Variants in NMNAT1 observed in about 807,000 individuals in gnomAD.
NMNAT1 encodes nicotinamide/nicotinic acid mononucleotide adenylyltransferase 1.
In NMNAT1, 11 loss-of-function variants were observed where a neutral mutation model predicts 16.7. That is an observed-to-expected ratio of 0.66 (90% CI 0.41 to 1.09). The LOEUF is 1.09. NMNAT1 is among the 50% of genes least tolerant of loss of function. NMNAT1 has a pLI of 0.00. For synonymous variants in NMNAT1, 110 were observed against 119.8 expected (o/e 0.92, Z 0.53); for missense variants, 280 against 332.3 (o/e 0.84, Z 1.22).
chr1:9,968,025 AT>A (rs1641591383), intron 1 of NMNAT1, among the ~76,000 whole-genome samples: 1 of 151,394 alleles, frequency 6.6e-6, no homozygotes, highest in South Asian at 2.1e-4. Context: ...TGCAACATTC[AT>A]AATAGCTATA....
At chr1:9,962,123 T>A (rs190844165) in intron 1 of NMNAT1, among the ~76,000 whole-genome samples, 1 of 152,134 alleles carries the variant, frequency 6.6e-6, no homozygotes, top group East Asian at 1.9e-4. Flanking sequence ...GCTTTTCCTA[T>A]CTTGTTTCAT....
In NMNAT1 at chr1:9,975,630, G is replaced by C. The variant is rs1195640784; in HGVS notation, c.154G>C (p.Gly52Arg). Reference sequence around the variant, plus strand: ...TGTCAAAGGCATCATCTCTCCTGTTGGTGATGCCTACAAGAAGAAAGGACT... The same window carrying C: ...TGTCAAAGGCATCATCTCTCCTGTTCGTGATGCCTACAAGAAGAAAGGACT... ...TVVKGIISPV[G>R]DAYKKKGLIP... is the part of the protein sequence containing the mutation. Residue 52 changes from glycine (G) to arginine (R), a missense_variant, in exon 3 of 5, where the codon GGT becomes CGT. Gly to Arg is a moderately radical substitution (Grantham distance 125, BLOSUM62 -2). Coordinates refer to ENST00000377205, the MANE Select transcript of NMNAT1 (RefSeq NM_022787.4). 1.9e-6 allele frequency: 3 copies of C among 1,613,664 alleles called. No individual in the cohort carries two copies. In the African/African-American group the frequency reaches 4.0e-5, roughly 22 times the overall value.
intron 1 of NMNAT1, among the ~76,000 whole-genome samples, chr1:9,955,235 T>G (rs909165946): frequency 1.3e-5 from 2 of 151,748 alleles, no homozygotes; most frequent in Non-Finnish European, 2.9e-5. Context: ...AAACCTCATC[T>G]CTACTTAAAA....
chr1:9,968,424 A>G (rs1039335604), intron 1 of NMNAT1, among the ~76,000 whole-genome samples: 2 of 150,692 alleles, frequency 1.3e-5, no homozygotes, highest in Admixed American at 1.3e-4. Flanking sequence ...TAATCCTCAC[A>G]ACAATCAGGA....
At chr1:9,951,125 TCTC>T (rs566395775) in intron 1 of NMNAT1, 1 of 152,020 alleles carries the variant, frequency 6.6e-6, no homozygotes, top group African/African-American at 2.4e-5. Flanking sequence ...AGCTTAATAT[TCTC>T]CTTGCAACAT....
intron 1 of NMNAT1, among the ~76,000 whole-genome samples, chr1:9,956,992 A>C (rs1641278708): frequency 6.6e-6 from 1 of 151,538 alleles, no homozygotes; most frequent in Non-Finnish European, 1.5e-5. Context: ...GGCCTCCCAA[A>C]ATGCTAAGAT....
intron 1 of NMNAT1, among the ~76,000 whole-genome samples, chr1:9,958,945 G>A (rs1641334727): frequency 6.6e-6 from 1 of 152,056 alleles, no homozygotes. Flanking sequence ...TTTAAATGAG[G>A]AAACTGACTG....
chr1:9,950,569 G>A (rs1310473599), intron 1 of NMNAT1: 2 of 152,276 alleles, frequency 1.3e-5, no homozygotes, highest in African/African-American at 4.8e-5. Flanking sequence ...GGACCCAGAT[G>A]GCTCAGACTG....
intron 1 of NMNAT1, among the ~76,000 whole-genome samples, chr1:9,962,703 A>T (rs1447847442): frequency 3.5e-5 from 3 of 85,652 alleles, no homozygotes; most frequent in South Asian, 4.2e-4. Flanking sequence ...TTTTTTTGAG[A>T]CGGAGTCTTG....
chr1:9,965,368 G>A (rs972892354), intron 1 of NMNAT1, among the ~76,000 whole-genome samples: 1 of 149,500 alleles, frequency 6.7e-6, no homozygotes, highest in African/African-American at 2.5e-5. Context: ...GACATTCTTT[G>A]GATATATAAG....
chr1:9,972,237 G>A (rs1641706585), intron 2 of NMNAT1, 49 bp downstream of exon 2: 2 of 965,936 alleles, frequency 2.1e-6, no homozygotes, highest in Non-Finnish European at 3.4e-6. Context: ...CCAGCCGGGT[G>A]CAGTGGCTCA....
At chr1:9,972,525 A>G (rs1248622618) in intron 2 of NMNAT1, 1 of 187,202 alleles carries the variant, frequency 5.3e-6, no homozygotes, top group Non-Finnish European at 1.1e-5. Context: ...GAGAACCGGC[A>G]TGACTGGGTC....
downstream of NMNAT1, among the ~76,000 whole-genome samples, chr1:9,990,387 C>A (rs1028944740): frequency 6.6e-6 from 1 of 152,154 alleles, no homozygotes; most frequent in Admixed American, 6.6e-5. Context: ...TCAGGAGTGA[C>A]TCCTCATGGC....
intron 1 of NMNAT1, among the ~76,000 whole-genome samples, chr1:9,948,867 C>T (rs765434608): frequency 4.0e-5 from 6 of 148,970 alleles, no homozygotes; most frequent in Non-Finnish European, 7.4e-5. Context: ...AGGCTGGTCT[C>T]GAACTCCTGA....
rs574531635 is a variant in NMNAT1 at position 9,968,648 on chromosome 1, A to G, written c.-56-3370A>G. Among the ~76,000 whole-genome samples the G allele has an allele frequency of 3.8e-3, 565 of 148,880 alleles. 6 individuals are homozygous for G. The highest frequency in any genetic ancestry group is 0.013 in the African/African-American group (532 of 40,688). ...TAGCCAGGAGTGGTGGCGGGCACCT[A>G]TAGTCCCAGCTACTCGGGAGGCTGA... On this transcript the variant is annotated intron_variant, in intron 1 of 4. Coordinates refer to ENST00000377205, the MANE Select transcript of NMNAT1 (RefSeq NM_022787.4).
At chr1:9,962,042 A>G (rs111993862) in intron 1 of NMNAT1, among the ~76,000 whole-genome samples, 8,878 of 152,012 alleles carry the variant, frequency 0.058, 345 homozygotes, top group South Asian at 0.11. Flanking sequence ...TGCTGGGATT[A>G]CAGGCATGAC....
intron 1 of NMNAT1, among the ~76,000 whole-genome samples, chr1:9,959,955 T>C (rs1474433912): frequency 1.3e-5 from 2 of 152,154 alleles, no homozygotes; most frequent in Admixed American, 6.6e-5. Context: ...CTTAAAGTTA[T>C]TGTTTTGAAA....
chr1:9,991,253 T>C, the NMNAT1 span, among the ~76,000 whole-genome samples: 1 of 150,834 alleles, frequency 6.6e-6, no homozygotes, highest in Non-Finnish European at 1.5e-5. Flanking sequence ...TGGTGCAATC[T>C]CAGCTCACTG....
chr1:9,965,779 G>C (rs1392399038), intron 1 of NMNAT1, among the ~76,000 whole-genome samples: 1 of 151,682 alleles, frequency 6.6e-6, no homozygotes, highest in Admixed American at 6.6e-5. Flanking sequence ...AGGAGGCCAG[G>C]AATCTGAGAC....
Sources: allele counts gnomAD v4.1 joint callset (sites outside exome capture counted in the v4.1 genomes callset), GRCh38; gene constraint gnomAD v4.1.1; transcripts MANE v1.5; gene names NCBI Gene and HGNC (gene_info 2026-07-23, HGNC 2026-07-21).